The following PIP5K1B variants were observed in gnomAD, a reference collection of about 807,000 sequenced individuals.
PIP5K1B encodes phosphatidylinositol-4-phosphate 5-kinase type 1 beta, also known as phosphatidylinositol 4-phosphate 5-kinase type-1 beta.
In PIP5K1B, 42 loss-of-function variants were observed where a neutral mutation model predicts 67.0. The ratio of observed to expected loss-of-function variants is 0.63; its 90% CI spans 0.49 to 0.81. The LOEUF is 0.81. Among genes scored for constraint, PIP5K1B ranks in the 30% least tolerant of loss-of-function variants. The pLI is 0.00. For missense variants in PIP5K1B, 459 were observed against 646.3 expected (o/e 0.71, Z 3.14); for synonymous variants, 214 against 231.4 (o/e 0.92, Z 0.68).
chr9:68,935,647 C>T (rs1161191944), intron 13 of PIP5K1B, among the ~76,000 whole-genome samples: 2 of 152,184 alleles, frequency 1.3e-5, no homozygotes, highest in Admixed American at 1.3e-4. Flanking sequence ...GTTGCTTTTA[C>T]TTCTAGACCT....
chr9:69,001,827 A>G (rs189972189), intron 15 of PIP5K1B, among the ~76,000 whole-genome samples: 63 of 152,312 alleles, frequency 4.1e-4, no homozygotes, highest in Middle Eastern at 3.4e-3. Flanking sequence ...AATTAGCAGG[A>G]GTCACTCAAG....
At chr9:68,827,910 A>G (rs569195714) in intron 4 of PIP5K1B, among the ~76,000 whole-genome samples, 10 of 152,328 alleles carry the variant, frequency 6.6e-5, no homozygotes, top group African/African-American at 2.2e-4. Flanking sequence ...GATGCTAGAC[A>G]TTCAAGTTTT....
intron 1 of PIP5K1B, among the ~76,000 whole-genome samples, chr9:68,715,097 G>A (rs1827570257): frequency 6.6e-6 from 1 of 152,224 alleles, no homozygotes; most frequent in South Asian, 2.1e-4. Flanking sequence ...TGAGGAAAAG[G>A]CCTGGGTTGC....
intron 11 of PIP5K1B, among the ~76,000 whole-genome samples, chr9:68,922,442 CAG>C (rs1826451004): frequency 7.8e-6 from 1 of 127,826 alleles, no homozygotes; most frequent in South Asian, 2.4e-4. Context: ...AGCCTGGCGA[CAG>C]AGCAAGACTC....
In PIP5K1B at chr9:68,899,490, T is replaced by C. The variant is rs190142513; in HGVS notation, c.771+4852T>C. ...AAAAAAAGAGAAAGAAAGGTTTAGG[T>C]AAGAAACCTGTCTTTGGTGATTTTT... On this transcript the variant is annotated intron_variant, in intron 8 of 15. Coordinates refer to ENST00000265382, the MANE Select transcript of PIP5K1B (RefSeq NM_003558.4). Among the ~76,000 whole-genome samples, 530 of 152,330 alleles carry C rather than the reference T, an allele frequency of 3.5e-3. 1 individual carries two copies. The highest frequency in any genetic ancestry group is 0.012 in the African/African-American group (489 of 41,558).
At chr9:68,882,953 G>T (rs1210970895) in intron 6 of PIP5K1B, among the ~76,000 whole-genome samples, 1 of 152,170 alleles carries the variant, frequency 6.6e-6, no homozygotes, top group East Asian at 1.9e-4. Context: ...GGTGGTATCA[G>T]CTCTTCCTTA....
intron 8 of PIP5K1B, among the ~76,000 whole-genome samples, chr9:68,911,735 T>C (rs1022963535): frequency 2.0e-5 from 3 of 151,858 alleles, no homozygotes; most frequent in African/African-American, 7.3e-5. Context: ...CACAAAAAAT[T>C]AGTCAGGTGT....
intron 5 of PIP5K1B, among the ~76,000 whole-genome samples, chr9:68,875,097 A>G (rs1377237074): frequency 1.3e-5 from 2 of 152,020 alleles, no homozygotes; most frequent in African/African-American, 4.8e-5. Flanking sequence ...AACAATAACC[A>G]TTTGAATGAG....
intron 14 of PIP5K1B, among the ~76,000 whole-genome samples, chr9:68,968,245 C>G (rs1475556980): frequency 1.3e-5 from 2 of 152,160 alleles, no homozygotes; most frequent in Non-Finnish European, 2.9e-5. Context: ...TGGGGCCAGG[C>G]ATGGTGGCTC....
intron 5 of PIP5K1B, among the ~76,000 whole-genome samples, chr9:68,873,101 G>A (rs559238198): frequency 2.6e-5 from 4 of 151,852 alleles, no homozygotes; most frequent in African/African-American, 7.3e-5. Flanking sequence ...TTTCAGAATA[G>A]CATTGCCCCT....
At chr9:68,828,140 C>T (rs571864690) in intron 4 of PIP5K1B, among the ~76,000 whole-genome samples, 2 of 152,216 alleles carry the variant, frequency 1.3e-5, no homozygotes, top group Non-Finnish European at 2.9e-5. Context: ...CGTGCACTGC[C>T]ATTTGCCTTT....
At chr9:68,814,287 A>T (rs987042456) in intron 2 of PIP5K1B, among the ~76,000 whole-genome samples, 1 of 152,230 alleles carries the variant, frequency 6.6e-6, no homozygotes, top group African/African-American at 2.4e-5. Context: ...ATTGAAAAAC[A>T]GGTTTTTAAA....
intron 1 of PIP5K1B, chr9:68,742,204 C>G (rs1367521835): frequency 6.6e-6 from 1 of 152,122 alleles, no homozygotes; most frequent in Non-Finnish European, 1.5e-5. Flanking sequence ...ATAAGGTCAT[C>G]TAGTTTCTGA....
intron 4 of PIP5K1B, among the ~76,000 whole-genome samples, chr9:68,854,127 C>A (rs1822643157): frequency 9.3e-6 from 1 of 106,978 alleles, no homozygotes. Flanking sequence ...AAACAGAAAA[C>A]TTTTTTTTTT....
chr9:68,714,525 C>T (rs931195531), intron 1 of PIP5K1B, among the ~76,000 whole-genome samples: 1 of 152,186 alleles, frequency 6.6e-6, no homozygotes, highest in African/African-American at 2.4e-5. Flanking sequence ...AATCCATTAC[C>T]CATATTGTAA....
intron 5 of PIP5K1B, among the ~76,000 whole-genome samples, chr9:68,871,439 T>A (rs1823621009): frequency 6.6e-6 from 1 of 152,224 alleles, no homozygotes; most frequent in Admixed American, 6.5e-5. Context: ...TGGCGGCTAA[T>A]GCTTCCTCAA....
At chr9:68,810,677 T>G (rs1258958374) in intron 2 of PIP5K1B, among the ~76,000 whole-genome samples, 2 of 152,192 alleles carry the variant, frequency 1.3e-5, no homozygotes, top group Non-Finnish European at 2.9e-5. Flanking sequence ...AAAGGGTTGC[T>G]TCTGACTCAC....
intron 15 of PIP5K1B, among the ~76,000 whole-genome samples, chr9:68,991,937 T>C (rs1830385027): frequency 6.6e-6 from 1 of 152,020 alleles, no homozygotes; most frequent in African/African-American, 2.4e-5. Flanking sequence ...CTTGCATGTA[T>C]GCTACGTCTT....
intron 5 of PIP5K1B, among the ~76,000 whole-genome samples, chr9:68,875,522 A>G (rs1823848229): frequency 6.6e-6 from 1 of 152,166 alleles, no homozygotes; most frequent in Non-Finnish European, 1.5e-5. Flanking sequence ...CCTTCACTCA[A>G]CAAATACTTA....
Sources: allele counts gnomAD v4.1 joint callset (sites outside exome capture counted in the v4.1 genomes callset), GRCh38; gene constraint gnomAD v4.1.1; transcripts MANE v1.5; gene names NCBI Gene and HGNC (gene_info 2026-07-23, HGNC 2026-07-21).